Variants in CCDC60 observed in about 807,000 individuals in gnomAD.
CCDC60 encodes coiled-coil domain containing 60, also known as coiled-coil domain-containing protein 60.
A neutral mutation model predicts 63.5 loss-of-function variants in CCDC60; 54 were observed. That is an observed-to-expected ratio of 0.85 (90% CI 0.68 to 1.07). The LOEUF is 1.07. Among genes scored for constraint, CCDC60 ranks in the 50% least tolerant of loss-of-function variants. CCDC60 has a pLI of 0.00. For synonymous variants in CCDC60, 206 were observed against 238.8 expected (o/e 0.86, Z 1.27); for missense variants, 651 against 684.3 (o/e 0.95, Z 0.54).
chr12:119,360,737 A>G (rs7975869), intron 1 of CCDC60, among the ~76,000 whole-genome samples: 95,668 of 150,244 alleles, frequency 0.64, 30,883 homozygotes, highest in East Asian at 0.83. Context: ...ATGGGATGGC[A>G]GCCGGGCAGA....
chr12:119,450,556 C>G (rs2136281219), intron 2 of CCDC60, among the ~76,000 whole-genome samples: 1 of 152,134 alleles, frequency 6.6e-6, no homozygotes, highest in African/African-American at 2.4e-5. Flanking sequence ...GCTAGAGCAT[C>G]AAGAGGTTAA....
intron 5 of CCDC60, among the ~76,000 whole-genome samples, chr12:119,493,782 T>G (rs182438506): frequency 2.0e-5 from 3 of 152,332 alleles, no homozygotes; most frequent in African/African-American, 7.2e-5. Context: ...TGAATGCCCA[T>G]AAGTATTTAT....
intron 1 of CCDC60, among the ~76,000 whole-genome samples, chr12:119,337,214 C>T (rs569058058): frequency 6.6e-6 from 1 of 152,342 alleles, no homozygotes; most frequent in Admixed American, 6.5e-5. Context: ...TCTCAAAATA[C>T]CACACAGAAG....
intron 5 of CCDC60, among the ~76,000 whole-genome samples, chr12:119,490,890 A>T (rs968139338): frequency 6.6e-6 from 1 of 152,190 alleles, no homozygotes; most frequent in Non-Finnish European, 1.5e-5. Context: ...AAACTGCTCA[A>T]GTAATAAGTG....
chr12:119,428,492 C>T (rs1044157664), intron 1 of CCDC60, among the ~76,000 whole-genome samples, 191 bp from the exon 2 acceptor site: 4 of 152,110 alleles, frequency 2.6e-5, no homozygotes, highest in Non-Finnish European at 5.9e-5. Flanking sequence ...CATCTGTCTC[C>T]AAAACCCTTA....
intron 13 of CCDC60, among the ~76,000 whole-genome samples, chr12:119,531,508 A>G (rs1476413113): frequency 6.6e-6 from 1 of 152,198 alleles, no homozygotes; most frequent in African/African-American, 2.4e-5. Flanking sequence ...GTTAGAAGGG[A>G]TCTACCTTAA....
chr12:119,416,254 C>T (rs1956697181), intron 1 of CCDC60, among the ~76,000 whole-genome samples: 1 of 152,100 alleles, frequency 6.6e-6, no homozygotes, highest in Non-Finnish European at 1.5e-5. Flanking sequence ...TGTTGCATGC[C>T]TGTAATCCCA....
At chr12:119,485,823 T>C (rs1951426744) in intron 4 of CCDC60, among the ~76,000 whole-genome samples, 1 of 152,172 alleles carries the variant, frequency 6.6e-6, no homozygotes, top group Non-Finnish European at 1.5e-5. Flanking sequence ...TTAGGAAGTT[T>C]GAAGATTTTA....
intron 1 of CCDC60, among the ~76,000 whole-genome samples, chr12:119,411,152 G>C (rs1474053768): frequency 6.6e-6 from 1 of 152,204 alleles, no homozygotes; most frequent in East Asian, 1.9e-4. Context: ...GATAGTTGTA[G>C]AGAAACGTGA....
intron 6 of CCDC60, 97 bp downstream of exon 6, chr12:119,500,265 T>C (rs1308622631): frequency 1.2e-6 from 1 of 830,990 alleles, no homozygotes; most frequent in Admixed American, 2.6e-5. Flanking sequence ...GAATTTTTTT[T>C]TCCTAGTTGG....
At chr12:119,406,964 C>T (rs903130702) in intron 1 of CCDC60, among the ~76,000 whole-genome samples, 5 of 152,168 alleles carry the variant, frequency 3.3e-5, no homozygotes, top group African/African-American at 7.2e-5. Flanking sequence ...GTTCATAACA[C>T]GCTGGCTGGA....
chr12:119,528,636 C>G lies in CCDC60; in HGVS notation c.1251C>G (p.Ile417Met), dbSNP rs1471939023. ...GTAGGCGCCAAGAAGAGAGAGGTATCCAGAAGTTCCGTGCTTTTGTCCTTG... is the reference window on the plus strand; with the variant it reads ...GTAGGCGCCAAGAAGAGAGAGGTATGCAGAAGTTCCGTGCTTTTGTCCTTG... ...ILMKRQEERG[I>M]QKFRAFVLVS... Residue 417 changes from isoleucine to methionine, a missense_variant, in exon 12 of 14, where the codon ATC becomes ATG. Physicochemically the swap from Ile to Met is conservative, Grantham distance 10. Transcript: ENST00000327554. The G allele has an allele frequency of 6.2e-7, 1 of 1,613,540 alleles. No individual in the cohort carries two copies. Among genetic ancestry groups the G allele is most frequent in the African/African-American group, 1.3e-5 (1 of 74,860 alleles).
chr12:119,418,048 C>T (rs1665159548), intron 1 of CCDC60, among the ~76,000 whole-genome samples: 2 of 152,072 alleles, frequency 1.3e-5, no homozygotes, highest in Non-Finnish European at 2.9e-5. Flanking sequence ...AGAAAGTTTG[C>T]AAAAATAGTA....
At chr12:119,360,323 G>A (rs1217918380) in intron 1 of CCDC60, among the ~76,000 whole-genome samples, 5 of 148,646 alleles carry the variant, frequency 3.4e-5, no homozygotes, top group South Asian at 2.2e-4. Context: ...CGGACTGGGC[G>A]GCTGGCCAGG....
chr12:119,374,065 G>A (rs1399727305), intron 1 of CCDC60, among the ~76,000 whole-genome samples: 2 of 152,020 alleles, frequency 1.3e-5, no homozygotes, highest in African/African-American at 4.8e-5. Flanking sequence ...CTTGCCAGAG[G>A]GAGAAAACCT....
At chr12:119,358,777 T>C (rs994609507) in intron 1 of CCDC60, among the ~76,000 whole-genome samples, 10 of 152,254 alleles carry the variant, frequency 6.6e-5, no homozygotes, top group Admixed American at 2.0e-4. Flanking sequence ...CTGTCATTTG[T>C]TCATTATCAT....
At chr12:119,409,650 C>T (rs1351416735) in intron 1 of CCDC60, among the ~76,000 whole-genome samples, 1 of 152,188 alleles carries the variant, frequency 6.6e-6, no homozygotes, top group Non-Finnish European at 1.5e-5. Flanking sequence ...CACTCAATAT[C>T]CATTTTCTGT....
At chr12:119,339,597 G>A (rs1004779450) in intron 1 of CCDC60, among the ~76,000 whole-genome samples, 16 of 151,926 alleles carry the variant, frequency 1.1e-4, no homozygotes, top group African/African-American at 3.9e-4. Flanking sequence ...GACAAGCCTG[G>A]GCACTAAAGT....
At chr12:119,359,967 C>T (rs1955758464) in intron 1 of CCDC60, among the ~76,000 whole-genome samples, 1 of 152,144 alleles carries the variant, frequency 6.6e-6, no homozygotes, top group Admixed American at 6.5e-5. Flanking sequence ...TCCCATTTCT[C>T]AATCTTTTCC....
Sources: allele counts gnomAD v4.1 joint callset (sites outside exome capture counted in the v4.1 genomes callset), GRCh38; gene constraint gnomAD v4.1.1; transcripts MANE v1.5; gene names NCBI Gene and HGNC (gene_info 2026-07-23, HGNC 2026-07-21).